The following KIAA1671 variants were observed in gnomAD, a reference collection of about 807,000 sequenced individuals.
The protein encoded by KIAA1671 is KIAA1671, also known as uncharacterized protein KIAA1671.
In KIAA1671, 52 loss-of-function variants were observed where a neutral mutation model predicts 131.2. The ratio of observed to expected loss-of-function variants is 0.40; its 90% confidence interval spans 0.32 to 0.50. The LOEUF (loss-of-function observed/expected upper bound fraction) is 0.50, where lower values mean the gene tolerates loss of function less well. Ranked by LOEUF, KIAA1671 falls within the 20% of genes least tolerant of loss-of-function variation. KIAA1671 has a pLI of 0.73. For missense variants in KIAA1671, 2,360 were observed against 2,364.2 expected (o/e 1.00, Z 0.04); for synonymous variants, 1,003 against 961.6 (o/e 1.04, Z -0.80).
rs188750085 is a variant in KIAA1671 at position 24,996,473 on chromosome 22, G to C, written c.-207-29160G>C. 3.3e-5 allele frequency among the ~76,000 whole-genome samples: 5 copies of C among 152,278 alleles called. No individual in the cohort carries two copies. In the East Asian group the frequency reaches 9.7e-4, roughly 29 times the overall value. On this transcript the variant is annotated intron_variant, in intron 1 of 12. Coordinates refer to ENST00000358431, the MANE Select transcript of KIAA1671 (RefSeq NM_001145206.2). ...CTTTGGGAGGCAGTGTGTCAGCCTGGAGTGCGGGCGAGTACTTGAAAGCCT... is the reference window on the plus strand; with the variant it reads ...CTTTGGGAGGCAGTGTGTCAGCCTGCAGTGCGGGCGAGTACTTGAAAGCCT...
At position 25,038,874 on chromosome 22, in the gene KIAA1671, C is replaced by T. The variant is rs1254096205; in HGVS notation, c.1744C>T (p.Pro582Ser). 4.5e-6 allele frequency: 7 copies of T among 1,551,652 alleles called. No individual in the cohort carries two copies. In the African/African-American group the frequency reaches 9.6e-5, roughly 21 times the overall value. Reference sequence around the variant, plus strand: ...GCAGAAGGTTAGCTCTAACCAAGACCCCGACAGCTGTCGCGGTGGAAGCTC... The same window carrying T: ...GCAGAAGGTTAGCTCTAACCAAGACTCCGACAGCTGTCGCGGTGGAAGCTC... ...TEQKVSSNQDPDSCRGGSSVE... is the reference protein window; with the variant it reads ...TEQKVSSNQDSDSCRGGSSVE... The change falls in exon 5 of 13, where the codon CCC becomes TCC. Residue 582 changes from proline to serine, a missense_variant. Pro to Ser is a moderately conservative substitution (Grantham distance 74). Coordinates refer to ENST00000358431, the MANE Select transcript of KIAA1671 (RefSeq NM_001145206.2).
intron 6 of KIAA1671, among the ~76,000 whole-genome samples, chr22:25,124,125 C>G (rs1052221181): frequency 6.6e-6 from 1 of 152,160 alleles, no homozygotes; most frequent in Non-Finnish European, 1.5e-5. Context: ...AGCAGCTCAC[C>G]CTTTTAGGAG....
In KIAA1671 at chr22:25,195,204, C is replaced by T. The variant is rs1023761552; in HGVS notation, c.*2803C>T. ...TTCTCTTCCTCCTCACCTCCACCAC[C>T]CCTTTGCACATCAGCATTTTAACAG... On this transcript the variant is annotated 3_prime_UTR_variant, in exon 13 of 13. Transcript: ENST00000358431. The T allele has an allele frequency of 6.6e-6, 1 of 152,190 alleles. No homozygotes were observed. The highest frequency in any genetic ancestry group is 6.5e-5 in the Admixed American group (1 of 15,274). 9.4% of individuals were successfully genotyped at this position (152,190 alleles called of 1,614,324 possible).
intron 1 of KIAA1671, among the ~76,000 whole-genome samples, chr22:25,020,145 C>T (rs1177905189): frequency 6.6e-6 from 1 of 152,102 alleles, no homozygotes; most frequent in Admixed American, 6.6e-5. Flanking sequence ...AGTCAGAAGA[C>T]CTGGATTCCA....
At chr22:24,953,310 G>C (rs1328170423) in intron 1 of KIAA1671, among the ~76,000 whole-genome samples, 1 of 152,156 alleles carries the variant, frequency 6.6e-6, no homozygotes, top group Non-Finnish European at 1.5e-5. Flanking sequence ...GCTAGGGTCT[G>C]GACATTTGTG....
intron 6 of KIAA1671, among the ~76,000 whole-genome samples, chr22:25,159,296 T>C (rs960173300): frequency 6.6e-6 from 1 of 152,158 alleles, no homozygotes; most frequent in Non-Finnish European, 1.5e-5. Flanking sequence ...ACAGGCATCA[T>C]TTTGCAGCCT....
At chr22:25,081,560 CT>C (rs1568944715) in intron 6 of KIAA1671, among the ~76,000 whole-genome samples, 1 of 151,872 alleles carries the variant, frequency 6.6e-6, no homozygotes, top group Non-Finnish European at 1.5e-5. Flanking sequence ...GGAATGACTT[CT>C]CGATTGAGGC....
chr22:25,106,644 G>A (rs113545113), intron 6 of KIAA1671, among the ~76,000 whole-genome samples: 8 of 152,280 alleles, frequency 5.3e-5, no homozygotes, highest in African/African-American at 1.9e-4. Context: ...AGGCAAGTGA[G>A]GTGCTCACAT....
Position 25,039,986 on chromosome 22 carries a change from A to T in KIAA1671, c.2856A>T (p.Leu952Phe). The change falls in exon 5 of 13, where the codon TTA becomes TTT. Residue 952 changes from leucine to phenylalanine, a missense_variant. Physicochemically the swap from Leu to Phe is conservative, Grantham distance 22 (BLOSUM62 0). Transcript: ENST00000358431. Reference sequence around the variant, plus strand: ...TGGACAGATGGCGGCGGCGGACTTTACCCCCCAACGTGAAATTTGATACAT... The same window carrying T: ...TGGACAGATGGCGGCGGCGGACTTTTCCCCCCAACGTGAAATTTGATACAT... ...QRMDRWRRRT[L>F]PPNVKFDTFS... 7 of 1,550,850 alleles carry T rather than the reference A, an allele frequency of 4.5e-6. No individual in the cohort carries two copies. The highest frequency in any genetic ancestry group is 6.1e-6 in the Non-Finnish European group (7 of 1,146,598).
chr22:25,151,126 G>A (rs1042017720), intron 6 of KIAA1671, among the ~76,000 whole-genome samples: 19 of 151,544 alleles, frequency 1.3e-4, no homozygotes, highest in African/African-American at 4.6e-4. Flanking sequence ...GAGCCACTGC[G>A]CCCGGCCCCT....
chr22:25,177,276 C>A, intron 8 of KIAA1671, 72 bp from the exon 9 acceptor site: 1 of 1,405,088 alleles, frequency 7.1e-7, no homozygotes, highest in Non-Finnish European at 9.6e-7. Flanking sequence ...TGTGTACCGC[C>A]AACTGTGTTG....
rs55797236 is a variant in KIAA1671, at chr22:25,156,724, C to T, written c.4531-14096C>T. ...ACATGTATGTGTGGATCTGTGTGTGCGTGCATCTGTCTGCTGGATGGACTT... is the reference window on the plus strand; with the variant it reads ...ACATGTATGTGTGGATCTGTGTGTGTGTGCATCTGTCTGCTGGATGGACTT... On this transcript the variant is annotated intron_variant, in intron 6 of 12. Coordinates refer to ENST00000358431, the MANE Select transcript of KIAA1671 (RefSeq NM_001145206.2). 9.2e-5 allele frequency among the ~76,000 whole-genome samples: 14 copies of T among 151,982 alleles called. No homozygotes were observed. In the South Asian group the frequency reaches 2.7e-3, roughly 29 times the overall value.
intron 1 of KIAA1671, among the ~76,000 whole-genome samples, chr22:24,996,280 A>C (rs906230984): frequency 1.3e-5 from 2 of 152,080 alleles, no homozygotes; most frequent in African/African-American, 2.4e-5. Context: ...TGAAAAGCAC[A>C]GCTTAGGTCC....
intron 1 of KIAA1671, among the ~76,000 whole-genome samples, chr22:24,953,957 G>A (rs1921557219): frequency 1.3e-5 from 2 of 152,048 alleles, no homozygotes; most frequent in Admixed American, 1.3e-4. Flanking sequence ...GGACCCTCTG[G>A]GCAAAATGGG....
chr22:25,067,874 C>A (rs1928566832), intron 6 of KIAA1671, among the ~76,000 whole-genome samples: 1 of 152,264 alleles, frequency 6.6e-6, no homozygotes. Flanking sequence ...GCTGCATGCC[C>A]CACTTCTATT....
chr22:24,978,489 C>T (rs1233852839), intron 1 of KIAA1671, among the ~76,000 whole-genome samples: 1 of 152,058 alleles, frequency 6.6e-6, no homozygotes. Context: ...ACTTTTATAC[C>T]CATTTTGCAG....
chr22:25,017,863 G>A (rs6004395), intron 1 of KIAA1671, among the ~76,000 whole-genome samples: 1 of 151,892 alleles, frequency 6.6e-6, no homozygotes. Flanking sequence ...AGTGTTACAT[G>A]TGCCCCATCA....
At chr22:25,183,230 A>G (rs1934351600) in intron 10 of KIAA1671, among the ~76,000 whole-genome samples, 1 of 152,216 alleles carries the variant, frequency 6.6e-6, no homozygotes, top group African/African-American at 2.4e-5. Flanking sequence ...TGCAGGCCAC[A>G]CAATCCCCAT....
At chr22:25,068,682 C>G (rs1390258817) in intron 6 of KIAA1671, among the ~76,000 whole-genome samples, 1 of 152,218 alleles carries the variant, frequency 6.6e-6, no homozygotes, top group Admixed American at 6.5e-5. Context: ...ATGATCTGCC[C>G]ACCTTGGCCT....
Sources: gnomAD v4.1 joint callset for allele counts (sites outside exome capture counted in the v4.1 genomes callset) on GRCh38, gnomAD v4.1.1 for gene constraint, MANE v1.5 for transcripts, NCBI Gene and HGNC (gene_info 2026-07-23, HGNC 2026-07-21) for gene names.